The following TRIQK variants were observed in gnomAD, a reference collection of about 807,000 sequenced individuals.
The protein encoded by TRIQK is triple QxxK/R motif containing, also known as triple QxxK/R motif-containing protein.
TRIQK carries 10 observed loss-of-function variants against 10.8 expected under a neutral mutation model. The observed-to-expected ratio is 0.92, with a 90% confidence interval of 0.57 to 1.57. TRIQK has a LOEUF of 1.57. TRIQK is among the 40% of genes most tolerant of loss of function. The probability of loss-of-function intolerance (pLI) is 0.00; values close to 1 mark genes in which losing one functional copy is unlikely to be tolerated. For missense variants in TRIQK, 107 were observed against 97.7 expected, an observed-to-expected ratio of 1.09 and a Z score of -0.40; for synonymous variants, 33 against 33.7, an observed-to-expected ratio of 0.98 and a Z score of 0.07.
intron 1 of TRIQK, among the ~76,000 whole-genome samples, chr8:92,983,120 T>C (rs1813001684): frequency 3.9e-5 from 6 of 152,036 alleles, no homozygotes; most frequent in Admixed American, 2.6e-4. Flanking sequence ...TTAAAACTGA[T>C]TCTAAATTAT....
chr8:92,898,876 TG>T (rs1393618758), intron 3 of TRIQK, among the ~76,000 whole-genome samples: 1 of 134,662 alleles, frequency 7.4e-6, no homozygotes, highest in Non-Finnish European at 1.6e-5. Flanking sequence ...TATATATAGA[TG>T]GGGGTACATG....
At chr8:93,009,524 G>A (rs985674279) in intron 1 of TRIQK, among the ~76,000 whole-genome samples, 7 of 151,858 alleles carry the variant, frequency 4.6e-5, no homozygotes, top group Admixed American at 2.0e-4. Flanking sequence ...CAGGAGAATC[G>A]CCTGAACCCA....
At chr8:92,942,006 A>G (rs530471331) in intron 2 of TRIQK, among the ~76,000 whole-genome samples, 3 of 152,226 alleles carry the variant, frequency 2.0e-5, no homozygotes, top group Non-Finnish European at 4.4e-5. Context: ...TTAATAAAGA[A>G]CGAACACTAA....
At chr8:92,914,601 C>G (rs533676447) in intron 3 of TRIQK, among the ~76,000 whole-genome samples, 1 of 152,136 alleles carries the variant, frequency 6.6e-6, no homozygotes, top group Non-Finnish European at 1.5e-5. Flanking sequence ...AGACATTTCT[C>G]CAAAGAAAAT....
intron 1 of TRIQK, among the ~76,000 whole-genome samples, chr8:93,004,482 C>T (rs1813248274): frequency 6.6e-6 from 1 of 152,222 alleles, no homozygotes; most frequent in Non-Finnish European, 1.5e-5. Flanking sequence ...GTGAAATGCC[C>T]TGGAGGTATC....
At chr8:92,952,652 G>A (rs1233458100) in intron 2 of TRIQK, among the ~76,000 whole-genome samples, 2 of 151,910 alleles carry the variant, frequency 1.3e-5, no homozygotes, top group African/African-American at 4.8e-5. Context: ...ATACCTAGGT[G>A]TATCATCTGA....
upstream of TRIQK, among the ~76,000 whole-genome samples, chr8:92,969,115 G>T (rs1433389080): frequency 6.6e-6 from 1 of 152,112 alleles, no homozygotes; most frequent in Non-Finnish European, 1.5e-5. Context: ...GGTTGTAGGT[G>T]TGTGGTGTTA....
intron 3 of TRIQK, 22 bp from the exon 4 acceptor site, chr8:92,892,096 C>A: frequency 7.1e-7 from 1 of 1,408,402 alleles, no homozygotes; most frequent in South Asian, 1.3e-5. Context: ...TAGTTTCAGA[C>A]AATGAGTTAT....
chr8:92,905,548 T>C (rs1258076482), intron 3 of TRIQK, among the ~76,000 whole-genome samples: 1 of 152,304 alleles, frequency 6.6e-6, no homozygotes, highest in Non-Finnish European at 1.5e-5. Flanking sequence ...ATTTTTAACT[T>C]GGATGGCGGA....
chr8:92,926,650 T>C (rs548567056), intron 2 of TRIQK, among the ~76,000 whole-genome samples: 108 of 152,240 alleles, frequency 7.1e-4, no homozygotes, highest in African/African-American at 2.5e-3. Context: ...GTAATAATCA[T>C]AGCACACTAC....
At chr8:92,994,391 C>A (rs1412427339) in intron 1 of TRIQK, among the ~76,000 whole-genome samples, 1 of 141,236 alleles carries the variant, frequency 7.1e-6, no homozygotes, top group East Asian at 2.0e-4. Flanking sequence ...TTTTTTTCAA[C>A]ATTTTAAAAA....
chr8:92,963,028 G>A (rs1249342719), intron 1 of TRIQK, among the ~76,000 whole-genome samples: 1 of 152,112 alleles, frequency 6.6e-6, no homozygotes, highest in African/African-American at 2.4e-5. Context: ...ACGCAAGAGA[G>A]GAAGGAAAGA....
chr8:92,927,919 A>C (rs142030183), intron 2 of TRIQK: 16 of 152,290 alleles, frequency 1.1e-4, no homozygotes, highest in African/African-American at 3.6e-4. Context: ...AAATGATAAA[A>C]ATCAACCTCT....
chr8:92,996,249 A>T (rs919785965), intron 1 of TRIQK, among the ~76,000 whole-genome samples: 2 of 152,090 alleles, frequency 1.3e-5, no homozygotes, highest in Admixed American at 6.5e-5. Flanking sequence ...TAAGTCTTCC[A>T]TTCTGTTTTC....
chr8:92,904,179 C>T (rs1809118584), intron 3 of TRIQK, among the ~76,000 whole-genome samples: 1 of 151,974 alleles, frequency 6.6e-6, no homozygotes, highest in Admixed American at 6.6e-5. Flanking sequence ...CTCAGTGATC[C>T]AGAACAGACC....
chr8:92,985,211 T>C lies in TRIQK; in HGVS notation c.-180-30647A>G, dbSNP rs766296647. Reference sequence around the variant, plus strand: ...ACACATAGTTGTTTTGGCTTATATGTGAGATTATCTGTGTGTGTGTGTGTG... The same window carrying C: ...ACACATAGTTGTTTTGGCTTATATGCGAGATTATCTGTGTGTGTGTGTGTG... On this transcript the variant is annotated intron_variant, in intron 1 of 4. Transcript: ENST00000520686. Among the ~76,000 whole-genome samples the C allele has an allele frequency of 7.2e-5, 9 of 124,166 alleles. No homozygotes were observed. In the South Asian group the frequency reaches 1.9e-3, roughly 26 times the overall value. The allele number at this position is 124,166 out of a possible 152,430, so 81.5% of individuals were successfully genotyped here. A position where few individuals can be genotyped will look rare whatever the true frequency, so the allele number is the denominator to read the frequency against.
intron 3 of TRIQK, among the ~76,000 whole-genome samples, chr8:92,900,155 T>G (rs572377515): frequency 6.6e-6 from 1 of 152,146 alleles, no homozygotes; most frequent in Non-Finnish European, 1.5e-5. Flanking sequence ...TTATTAATCC[T>G]TTGTTAGATA....
At chr8:92,908,969 CTTTTCTTGT>C (rs976549806) in intron 3 of TRIQK, among the ~76,000 whole-genome samples, 2 of 151,930 alleles carry the variant, frequency 1.3e-5, no homozygotes, top group Non-Finnish European at 2.9e-5. Context: ...TGGAATCTTA[CTTTTCTTGT>C]ATTACCTAAG....
intron 1 of TRIQK, chr8:92,965,582 G>A (rs975291372): frequency 6.6e-6 from 1 of 152,422 alleles, no homozygotes; most frequent in Admixed American, 6.5e-5. Flanking sequence ...CGAGTAATCG[G>A]TCAGCACAAA....
Sources: gnomAD v4.1 joint callset for allele counts (sites outside exome capture counted in the v4.1 genomes callset) on GRCh38, gnomAD v4.1.1 for gene constraint, MANE v1.5 for transcripts, NCBI Gene and HGNC (gene_info 2026-07-23, HGNC 2026-07-21) for gene names.